NCK1: variants seen among roughly 807,000 people sequenced by gnomAD.
NCK1 encodes NCK adaptor protein 1.
In NCK1, 19 loss-of-function variants were observed where a neutral mutation model predicts 36.6. The ratio of observed to expected loss-of-function variants is 0.52; its 90% CI spans 0.36 to 0.76. NCK1 has a LOEUF of 0.76. Among genes scored for constraint, NCK1 ranks in the 30% least tolerant of loss-of-function variants. The pLI is 0.00. For synonymous variants in NCK1, 165 were observed against 156.0 expected (o/e 1.06, Z -0.43); for missense variants, 358 against 445.6 (o/e 0.80, Z 1.77).
At chr3:136,906,310 C>T (rs1576968051) in intron 1 of NCK1, among the ~76,000 whole-genome samples, 1 of 151,946 alleles carries the variant, frequency 6.6e-6, no homozygotes, top group Admixed American at 6.5e-5. Flanking sequence ...AGGTCTCACT[C>T]TGTTGCCCAG....
intron 3 of NCK1, among the ~76,000 whole-genome samples, chr3:136,947,959 G>GT (rs1169751952): frequency 6.6e-6 from 1 of 152,050 alleles, no homozygotes; most frequent in Non-Finnish European, 1.5e-5. Context: ...TTTGCTGTGG[G>GT]TGTCTGCTGT....
intron 2 of NCK1, among the ~76,000 whole-genome samples, chr3:136,936,280 A>G (rs1354138436): frequency 6.6e-6 from 1 of 152,136 alleles, no homozygotes; most frequent in African/African-American, 2.4e-5. Flanking sequence ...ACCTCAAGTC[A>G]TCTGCCCGCC....
At chr3:136,866,717 G>T (rs1446484179) in intron 1 of NCK1, among the ~76,000 whole-genome samples, 2 of 151,638 alleles carry the variant, frequency 1.3e-5, no homozygotes, top group Non-Finnish European at 2.9e-5. Flanking sequence ...TGGTTCAAGT[G>T]ATTCTCCTGT....
intron 1 of NCK1, among the ~76,000 whole-genome samples, chr3:136,876,779 C>T (rs113286574): frequency 3.9e-5 from 6 of 152,042 alleles, no homozygotes; most frequent in African/African-American, 9.7e-5. Context: ...TGAGAATTTA[C>T]GAATCAGTGT....
chr3:136,871,528 G>C (rs1938618001), intron 1 of NCK1, among the ~76,000 whole-genome samples: 1 of 152,144 alleles, frequency 6.6e-6, no homozygotes, highest in Admixed American at 6.5e-5. Flanking sequence ...TCCAGATGTG[G>C]AACATTTTTA....
At chr3:136,898,998 C>T (rs1381291576) in intron 1 of NCK1, 2 of 155,636 alleles carry the variant, frequency 1.3e-5, no homozygotes, top group African/African-American at 4.8e-5. Flanking sequence ...CAGATATAAA[C>T]ACAAATCAAA....
Position 136,867,125 on chromosome 3 carries a change from TTTCTTTCC to T in NCK1, c.-19+4776_-19+4783del, listed in dbSNP as rs1560028557. On this transcript the variant is annotated intron_variant, in intron 1 of 3. Transcript: ENST00000481752. ...CTTTCTTTCTTTCTTTCTTTGTTTC[TTTCTTTCC>T]TTCCTTCCTTCCTTCCTTCCTTCCT... Among the ~76,000 whole-genome samples the T allele has an allele frequency of 1.1e-3, 29 of 25,220 alleles. 4 individuals are homozygous for T. Among genetic ancestry groups the T allele is most frequent in the African/African-American group, 3.2e-3 (23 of 7,080 alleles). The allele number at this position is 25,220 out of a possible 152,430, so 16.5% of individuals were successfully genotyped here.
chr3:136,921,314 G>T (rs941310582), intron 1 of NCK1, among the ~76,000 whole-genome samples: 1 of 152,122 alleles, frequency 6.6e-6, no homozygotes, highest in Non-Finnish European at 1.5e-5. Context: ...TTTAACTCAG[G>T]AAACAACTAG....
At chr3:136,879,989 T>TAAAAAAAA (rs891612999) in intron 1 of NCK1, among the ~76,000 whole-genome samples, 16 of 119,518 alleles carry the variant, frequency 1.3e-4, no homozygotes, top group African/African-American at 4.1e-4. Context: ...TAAAGAATAT[T>TAAAAAAAA]AAAAAAAAAA....
Position 136,951,521 on chromosome 3 carries a change from A to T in NCK1, c.*3068A>T, listed in dbSNP as rs1378316364. Among the ~76,000 whole-genome samples the T allele has an allele frequency of 6.6e-6, 1 of 152,192 alleles. No homozygotes were observed. The highest frequency in any genetic ancestry group is 6.5e-5 in the Admixed American group (1 of 15,274). ...CAAGTCAACAATGAGCTGGAATCTA[A>T]TATGGATGGTCCTCTTATCTTTACC... On this transcript the variant is annotated 3_prime_UTR_variant, in exon 4 of 4. Coordinates refer to ENST00000481752, the MANE Select transcript of NCK1 (RefSeq NM_001291999.2).
At chr3:136,910,878 T>C (rs1343639986) in intron 1 of NCK1, among the ~76,000 whole-genome samples, 1 of 152,186 alleles carries the variant, frequency 6.6e-6, no homozygotes, top group African/African-American at 2.4e-5. Context: ...TCAAAGCTTA[T>C]TCCTCCTCTC....
chr3:136,906,952 C>T (rs894720531), intron 1 of NCK1, among the ~76,000 whole-genome samples: 1 of 152,148 alleles, frequency 6.6e-6, no homozygotes, highest in Admixed American at 6.5e-5. Flanking sequence ...TTAGGCTCCC[C>T]ACTGGTACGT....
intron 1 of NCK1, among the ~76,000 whole-genome samples, chr3:136,893,686 G>C (rs188010475): frequency 6.9e-4 from 105 of 152,196 alleles, no homozygotes; most frequent in African/African-American, 2.3e-3. Context: ...ACTTTTGATA[G>C]AATCTACATC....
intron 1 of NCK1, among the ~76,000 whole-genome samples, chr3:136,879,008 C>T (rs1211585105): frequency 1.3e-5 from 2 of 152,092 alleles, no homozygotes; most frequent in East Asian, 3.9e-4. Flanking sequence ...TTTACAATAG[C>T]TTTTATGGCC....
intron 1 of NCK1, among the ~76,000 whole-genome samples, chr3:136,870,993 C>G (rs1938600745): frequency 6.6e-6 from 1 of 152,062 alleles, no homozygotes; most frequent in Non-Finnish European, 1.5e-5. Context: ...ATGTGTTTTG[C>G]TATTGTAAAT....
At chr3:136,940,043 T>A (rs961028188) in intron 2 of NCK1, among the ~76,000 whole-genome samples, 1 of 151,910 alleles carries the variant, frequency 6.6e-6, no homozygotes, top group Admixed American at 6.6e-5. Context: ...TTTTTATTTT[T>A]GTAGAGACAA....
chr3:136,935,064 G>C (rs912093546), intron 2 of NCK1, among the ~76,000 whole-genome samples: 2 of 152,038 alleles, frequency 1.3e-5, no homozygotes, highest in African/African-American at 4.8e-5. Context: ...ACCATGACTG[G>C]CTAATTTTTG....
chr3:136,915,201 T>G (rs1939927624), intron 1 of NCK1, among the ~76,000 whole-genome samples: 1 of 152,184 alleles, frequency 6.6e-6, no homozygotes, highest in Non-Finnish European at 1.5e-5. Flanking sequence ...GTAGATCACA[T>G]TACTACTAAG....
chr3:136,919,978 G>A (rs971144395), intron 1 of NCK1, among the ~76,000 whole-genome samples: 2 of 152,082 alleles, frequency 1.3e-5, no homozygotes, highest in Non-Finnish European at 2.9e-5. Context: ...AAGTTTGGTT[G>A]GGGTACAGAT....
Sources: gnomAD v4.1 joint callset for allele counts (sites outside exome capture counted in the v4.1 genomes callset) on GRCh38, gnomAD v4.1.1 for gene constraint, MANE v1.5 for transcripts, NCBI Gene and HGNC (gene_info 2026-07-23, HGNC 2026-07-21) for gene names.